The following AOX1 variants were observed in gnomAD, a reference collection of about 807,000 sequenced individuals.
AOX1 encodes aldehyde oxidase 1, also known as aldehyde oxidase.
AOX1 carries 153 observed loss-of-function variants against 169.5 expected under a neutral mutation model. That is an observed-to-expected ratio of 0.90 (90% confidence interval 0.79 to 1.03). The LOEUF (loss-of-function observed/expected upper bound fraction) is 1.03, where lower values mean the gene tolerates loss of function less well. Among genes scored for constraint, AOX1 ranks in the 50% least tolerant of loss-of-function variants. The pLI is 0.00. For synonymous variants in AOX1, 562 were observed against 581.9 expected (o/e 0.97, Z 0.49); for missense variants, 1,656 against 1,663.9 (o/e 1.00, Z 0.08).
chr2:200,641,051 G>A (rs1559250989), intron 23 of AOX1, 47 bp from the exon 24 acceptor site: 2 of 1,432,378 alleles, frequency 1.4e-6, no homozygotes, highest in Non-Finnish European at 2.0e-6. Context: ...AAAATTTGGA[G>A]AGACTTGGCC....
At chr2:200,628,990 C>T (rs2035060518) in intron 20 of AOX1, among the ~76,000 whole-genome samples, 1 of 152,132 alleles carries the variant, frequency 6.6e-6, no homozygotes, top group South Asian at 2.1e-4. Context: ...TTCTCACCAA[C>T]CTTGATCACA....
chr2:200,649,866 A>G (rs2035544663), intron 25 of AOX1, among the ~76,000 whole-genome samples: 1 of 152,208 alleles, frequency 6.6e-6, no homozygotes, highest in African/African-American at 2.4e-5. Context: ...CGGCAAGCTC[A>G]CAGTCCTCTC....
At position 200,668,801 on chromosome 2, in the gene AOX1, A is replaced by C; in HGVS notation, c.3796A>C (p.Lys1266Gln). 6.2e-7 allele frequency: 1 copy of C among 1,613,618 alleles called. No homozygotes were observed. Among genetic ancestry groups the C allele is most frequent in the Non-Finnish European group, 8.5e-7 (1 of 1,179,622 alleles). ...AAACTCAAATACTCTTTATTCATCT[A>C]AGGTAAGTAATGTTCTATGGGTAAA... ...SQNSNTLYSS[K>Q]GLGESGVFLG... Residue 1266 changes from lysine to glutamine, a missense_variant and splice_region_variant, in exon 33 of 35, where the codon AAG (lysine) becomes CAG (glutamine). Coordinates refer to ENST00000374700, the MANE Select transcript of AOX1 (RefSeq NM_001159.4).
At chr2:200,636,239 C>T (rs549276618) in intron 21 of AOX1, among the ~76,000 whole-genome samples, 193 of 149,558 alleles carry the variant, frequency 1.3e-3, no homozygotes, top group African/African-American at 4.0e-3. Flanking sequence ...AGCGATTCTC[C>T]GGCCTCAGCC....
rs2035574218 is a variant in AOX1, at chr2:200,651,160, C to T, written c.3034C>T (p.Leu1012=). ...GAAGAAAGGACTGGCCATGGTCCCCCTGAAGTTTCCTGTTGGCCTTGGCTC... is the reference window on the plus strand; with the variant it reads ...GAAGAAAGGACTGGCCATGGTCCCCTTGAAGTTTCCTGTTGGCCTTGGCTC... ...WKKKGLAMVP[L]KFPVGLGSRA... The change falls in exon 26 of 35, where the codon CTG becomes TTG. Residue 1012 remains leucine, a synonymous_variant. Coordinates refer to ENST00000374700, the MANE Select transcript of AOX1 (RefSeq NM_001159.4). The T allele has an allele frequency of 6.2e-7, 1 of 1,614,072 alleles. No individual in the cohort carries two copies. Among genetic ancestry groups the T allele is most frequent in the Non-Finnish European group, 8.5e-7 (1 of 1,180,026 alleles).
At position 200,621,164 on chromosome 2, in the gene AOX1, A is replaced by G. The variant is rs766107048; in HGVS notation, c.1919A>G (p.Asp640Gly). 1.9e-6 allele frequency: 3 copies of G among 1,614,100 alleles called. No individual in the cohort carries two copies. The highest frequency in any genetic ancestry group is 2.5e-6 in the Non-Finnish European group (3 of 1,179,980). The stretch of plus-strand genomic sequence containing the variant: ...GCTCTCAGCATGCCCGGTGTGGTGG[A>G]CATCATGACAGCAGAACATCTTAGT... ...SEALSMPGVV[D>G]IMTAEHLSDV... Residue 640 changes from aspartate to glycine, a missense_variant, in exon 18 of 35, where the codon GAC becomes GGC. Asp to Gly is a moderately conservative substitution (Grantham distance 94). Coordinates refer to ENST00000374700, the MANE Select transcript of AOX1 (RefSeq NM_001159.4).
intron 23 of AOX1, among the ~76,000 whole-genome samples, chr2:200,639,024 G>A (rs2105744781): frequency 6.6e-6 from 1 of 152,284 alleles, no homozygotes; most frequent in Non-Finnish European, 1.5e-5. Context: ...ATCCAATATA[G>A]TGGTCACTAG....
chr2:200,607,042 G>A (rs1008035381), intron 10 of AOX1, among the ~76,000 whole-genome samples: 2 of 152,128 alleles, frequency 1.3e-5, no homozygotes, highest in Non-Finnish European at 2.9e-5. Flanking sequence ...GTGAGAGAGG[G>A]CATCCTTATC....
downstream of AOX1, among the ~76,000 whole-genome samples, chr2:200,672,471 G>A (rs1559265634): frequency 6.6e-6 from 1 of 152,178 alleles, no homozygotes; most frequent in African/African-American, 2.4e-5. Flanking sequence ...AGAGCAGAGA[G>A]AAGTCACATG....
chr2:200,653,513 C>G (rs1014632665), intron 26 of AOX1, among the ~76,000 whole-genome samples: 2 of 152,194 alleles, frequency 1.3e-5, no homozygotes, highest in African/African-American at 4.8e-5. Flanking sequence ...GAAACTGAAG[C>G]TCATAGGGAT....
At chr2:200,659,553 A>G (rs528070913) in intron 28 of AOX1, among the ~76,000 whole-genome samples, 24 of 152,172 alleles carry the variant, frequency 1.6e-4, no homozygotes, top group African/African-American at 5.8e-4. Context: ...CTTCCATATT[A>G]TGTTAGTATC....
chr2:200,597,966 G>A (rs189813425), intron 4 of AOX1, among the ~76,000 whole-genome samples: 37 of 152,248 alleles, frequency 2.4e-4, no homozygotes, highest in African/African-American at 8.9e-4. Flanking sequence ...AATTAGTGGG[G>A]TGTGGTGGTG....
Position 200,609,421 on chromosome 2 carries a change from G to T in AOX1, c.1153+7G>T, listed in dbSNP as rs1160011892. On this transcript the variant is annotated splice_region_variant and intron_variant, in intron 12 of 34. Transcript: ENST00000374700. ...CTCAACTTGCTATCAAAAGGTAAGT[G>T]ACAGCCCCTACTTGGAGATTATTAA... The T allele has an allele frequency of 6.2e-7, 1 of 1,610,750 alleles. No homozygotes were observed. Among genetic ancestry groups the T allele is most frequent in the Non-Finnish European group, 8.5e-7 (1 of 1,177,066 alleles).
intron 12 of AOX1, among the ~76,000 whole-genome samples, chr2:200,610,840 TA>T (rs1355826111): frequency 6.6e-6 from 1 of 152,192 alleles, no homozygotes; most frequent in Non-Finnish European, 1.5e-5. Context: ...ATCTATTTTT[TA>T]AATCTATTTT....
intron 30 of AOX1, among the ~76,000 whole-genome samples, 170 bp from the exon 31 acceptor site, chr2:200,662,685 C>T (rs1490086754): frequency 6.6e-6 from 1 of 152,176 alleles, no homozygotes; most frequent in African/African-American, 2.4e-5. Context: ...AAAGAAAAAA[C>T]TAAATACTTA....
intron 13 of AOX1, 112 bp from the exon 14 acceptor site, chr2:200,612,497 C>G: frequency 9.6e-7 from 1 of 1,041,978 alleles, no homozygotes; most frequent in Non-Finnish European, 1.5e-6. Context: ...GTAGGTGACA[C>G]TCAACACACA....
At position 200,609,360 on chromosome 2, in the gene AOX1, G is replaced by A. The variant is rs867328328; in HGVS notation, c.1099G>A (p.Asp367Asn). The A allele has an allele frequency of 6.2e-7, 1 of 1,614,078 alleles. No homozygotes were observed. The highest frequency in any genetic ancestry group is 1.7e-5 in the Admixed American group (1 of 60,008). Residue 367 changes from aspartate (D) to asparagine (N), a missense_variant, in exon 12 of 35, where the codon GAT becomes AAT. By Grantham distance (23) the Asp-to-Asn change is conservative (BLOSUM62 1). Transcript: ENST00000374700. ...GHIISRHPDSDLNPILAVGNC... is the reference protein window; with the variant it reads ...GHIISRHPDSNLNPILAVGNC... ...CATCATTAGCAGGCATCCAGATTCA[G>A]ATCTGAATCCCATCCTGGCTGTGGG...
chr2:200,626,347 A>G (rs1236715346), intron 19 of AOX1, among the ~76,000 whole-genome samples: 2 of 152,200 alleles, frequency 1.3e-5, no homozygotes, highest in African/African-American at 2.4e-5. Flanking sequence ...GGTGTTGTCT[A>G]GACACCTACT....
At chr2:200,662,137 G>A (rs1186076798) in intron 30 of AOX1, among the ~76,000 whole-genome samples, 1 of 152,222 alleles carries the variant, frequency 6.6e-6, no homozygotes, top group South Asian at 2.1e-4. Flanking sequence ...TTAATGGAAA[G>A]TGAAAGCTGT....
Sources: allele counts gnomAD v4.1 joint callset (sites outside exome capture counted in the v4.1 genomes callset), GRCh38; gene constraint gnomAD v4.1.1; transcripts MANE v1.5; gene names NCBI Gene and HGNC (gene_info 2026-07-23, HGNC 2026-07-21).